LIMCH1: variants seen among roughly 807,000 people sequenced by gnomAD.
LIMCH1 encodes LIM and calponin homology domains 1, also known as LIM and calponin homology domains-containing protein 1.
In LIMCH1, 113 loss-of-function variants were observed where a neutral mutation model predicts 176.5. The observed-to-expected ratio is 0.64, with a 90% CI of 0.55 to 0.75. The LOEUF (loss-of-function observed/expected upper bound fraction) is 0.75. Among genes scored for constraint, LIMCH1 ranks in the 30% least tolerant of loss-of-function variants. LIMCH1 has a pLI of 0.00. For synonymous variants in LIMCH1, 619 were observed against 645.9 expected (o/e 0.96, Z 0.63); for missense variants, 1,674 against 1,814.9 (o/e 0.92, Z 1.41).
chr4:41,360,719 G>C (rs959081763), upstream of LIMCH1: 5 of 568,778 alleles, frequency 8.8e-6, no homozygotes, highest in African/African-American at 1.0e-4. The surrounding 1 kb of genome is among the most constrained non-coding windows in gnomAD (Gnocchi z 4.5). Context: ...GCGCCGGCCG[G>C]GGGCGGGGAG....
chr4:41,408,791 G>A (rs1404863407), intron 1 of LIMCH1, among the ~76,000 whole-genome samples: 1 of 152,154 alleles, frequency 6.6e-6, no homozygotes, highest in Non-Finnish European at 1.5e-5. Context: ...AAACTTTTGG[G>A]AGTTCAGTTG....
intron 10 of LIMCH1, among the ~76,000 whole-genome samples, chr4:41,632,458 G>A (rs2093374790): frequency 1.3e-5 from 2 of 152,078 alleles, no homozygotes; most frequent in African/African-American, 2.4e-5. Flanking sequence ...GTGGGGAGGA[G>A]GGGGTAGGAA....
intron 1 of LIMCH1, among the ~76,000 whole-genome samples, chr4:41,364,880 C>G (rs887765091): frequency 1.3e-5 from 2 of 152,060 alleles, no homozygotes; most frequent in African/African-American, 4.8e-5. Flanking sequence ...CCTCTTCCTC[C>G]CTTTTATTAT....
At chr4:41,363,660 G>T (rs1020222360) in intron 1 of LIMCH1, among the ~76,000 whole-genome samples, 1 of 152,146 alleles carries the variant, frequency 6.6e-6, no homozygotes, top group African/African-American at 2.4e-5. Flanking sequence ...TTTGAGGACC[G>T]TGTTACTGGG....
intron 1 of LIMCH1, among the ~76,000 whole-genome samples, chr4:41,403,635 G>T (rs1434727469): frequency 6.6e-6 from 1 of 152,150 alleles, no homozygotes; most frequent in African/African-American, 2.4e-5. Flanking sequence ...TTTGTGTTTG[G>T]TTACTCTCCA....
intron 3 of LIMCH1, among the ~76,000 whole-genome samples, chr4:41,526,213 A>T: frequency 6.9e-6 from 1 of 145,594 alleles, no homozygotes; most frequent in African/African-American, 2.6e-5. Context: ...GTATTCCTCT[A>T]CTTTCTTTTT....
chr4:41,577,235 C>T (rs1369003033), intron 1 of LIMCH1, among the ~76,000 whole-genome samples: 1 of 151,824 alleles, frequency 6.6e-6, no homozygotes, highest in African/African-American at 2.4e-5. Flanking sequence ...GGCTGGAGAC[C>T]AGAACTAAAA....
intron 1 of LIMCH1, among the ~76,000 whole-genome samples, chr4:41,449,918 T>C (rs973177019): frequency 1.3e-5 from 2 of 152,224 alleles, no homozygotes; most frequent in East Asian, 3.9e-4. Flanking sequence ...CTTGGCCTTC[T>C]TCAGGTTCAC....
At chr4:41,516,957 A>G (rs550498510) in intron 2 of LIMCH1, among the ~76,000 whole-genome samples, 3 of 152,306 alleles carry the variant, frequency 2.0e-5, no homozygotes, top group Admixed American at 6.5e-5. Flanking sequence ...CTGCAGAGAT[A>G]TAACAGTCAA....
intron 1 of LIMCH1, among the ~76,000 whole-genome samples, chr4:41,445,811 G>C (rs991334738): frequency 2.0e-5 from 3 of 152,112 alleles, no homozygotes; most frequent in Non-Finnish European, 2.9e-5. Context: ...ATTATCTGTT[G>C]GTCTTGGCAG....
chr4:41,378,619 G>A (rs1387807274), intron 1 of LIMCH1, among the ~76,000 whole-genome samples: 2 of 152,128 alleles, frequency 1.3e-5, no homozygotes, highest in Admixed American at 6.5e-5. Context: ...GATTACGATG[G>A]CCAGCATGGA....
Position 41,633,637 on chromosome 4 carries a change from T to G in LIMCH1, c.1919T>G (p.Leu640Arg). 1 of 1,536,158 alleles carries G rather than the reference T, an allele frequency of 6.5e-7. No individual in the cohort carries two copies. The highest frequency in any genetic ancestry group is 8.7e-7 in the Non-Finnish European group (1 of 1,146,918). ...MTAPAWSGSG[L>R]KGQRKLDDSR... ...GCTCCTGCCTGGAGTGGCAGTGGACTGAAAGGCCAGCGAAAGTTGGATGAT... is the reference window on the plus strand; with the variant it reads ...GCTCCTGCCTGGAGTGGCAGTGGACGGAAAGGCCAGCGAAAGTTGGATGAT... The change falls in exon 13 of 32, where the codon CTG becomes CGG. Residue 640 changes from leucine to arginine, a missense_variant. Coordinates refer to ENST00000503057, the MANE Select transcript of LIMCH1 (RefSeq NM_001330672.2).
intron 1 of LIMCH1, among the ~76,000 whole-genome samples, chr4:41,431,701 A>T (rs2061618973): frequency 1.3e-5 from 2 of 152,164 alleles, no homozygotes; most frequent in South Asian, 2.1e-4. Flanking sequence ...TTTCTTCTCT[A>T]CTCACATTTT....
At chr4:41,676,686 AAC>A (rs1315978953) in intron 23 of LIMCH1, among the ~76,000 whole-genome samples, 1 of 152,144 alleles carries the variant, frequency 6.6e-6, no homozygotes, top group Non-Finnish European at 1.5e-5. Flanking sequence ...CATTCATATT[AAC>A]ACTGAACCAA....
rs556724204 is a variant in LIMCH1 at position 41,494,970 on chromosome 4, C to G, written c.167+364C>G. Among the ~76,000 whole-genome samples, 19 of 152,272 alleles carry G rather than the reference C, an allele frequency of 1.2e-4. No individual in the cohort carries two copies. The South Asian group carries it at 3.9e-3, about 32-fold the overall frequency. On this transcript the variant is annotated intron_variant, in intron 2 of 26. Transcript: ENST00000313860. ...AAATCCCAAACAAAAGCAGCTTGTG[C>G]CAAAATAAAACAGTGCTTCTATATA... is the stretch of plus-strand genomic sequence containing the variant.
chr4:41,665,169 AT>A (rs2094779632), intron 20 of LIMCH1, among the ~76,000 whole-genome samples: 1 of 152,128 alleles, frequency 6.6e-6, no homozygotes, highest in Non-Finnish European at 1.5e-5. Context: ...TTATTTCCTG[AT>A]TTCACTTGAG....
At chr4:41,612,797 C>A in intron 4 of LIMCH1, 1 of 963,436 alleles carries the variant, frequency 1.0e-6, no homozygotes, top group Non-Finnish European at 1.5e-6. Context: ...GAGAGCATGC[C>A]TGGATTCTTC....
chr4:41,491,730 G>C (rs1188934957), intron 1 of LIMCH1, among the ~76,000 whole-genome samples: 1 of 148,920 alleles, frequency 6.7e-6, no homozygotes, highest in East Asian at 2.0e-4. Flanking sequence ...TCCCAGATGG[G>C]GGCGGCCAGG....
chr4:41,385,686 G>T (rs1338161816), intron 1 of LIMCH1: 1 of 152,204 alleles, frequency 6.6e-6, no homozygotes, highest in African/African-American at 2.4e-5. Flanking sequence ...AAAAAGAGCA[G>T]TGCAGATTGT....
Sources: gnomAD v4.1 joint callset for allele counts (sites outside exome capture counted in the v4.1 genomes callset) on GRCh38, gnomAD v4.1.1 for gene constraint, Gnocchi (gnomAD v3.1) non-coding constraint, MANE v1.5 for transcripts, NCBI Gene and HGNC (gene_info 2026-07-23, HGNC 2026-07-21) for gene names.